FBXL7: variants seen among roughly 807,000 people sequenced by gnomAD.
FBXL7 encodes F-box and leucine rich repeat protein 7, also known as F-box/LRR-repeat protein 7.
In FBXL7, 12 loss-of-function variants were observed where a neutral mutation model predicts 38.3. That is an observed-to-expected ratio of 0.31 (90% CI 0.20 to 0.51). The LOEUF is 0.51. Ranked by LOEUF, FBXL7 falls within the 20% of genes least tolerant of loss-of-function variation. The probability of loss-of-function intolerance (pLI) is 0.98; values close to 1 mark genes in which losing one functional copy is unlikely to be tolerated. For missense variants in FBXL7, 567 were observed against 676.4 expected (o/e 0.84, Z 1.79); for synonymous variants, 297 against 300.9 (o/e 0.99, Z 0.13).
intron 2 of FBXL7, among the ~76,000 whole-genome samples, chr5:15,747,824 G>A (rs1169874458): frequency 6.6e-6 from 1 of 152,136 alleles, no homozygotes; most frequent in East Asian, 1.9e-4. Flanking sequence ...GCTGCTGCTT[G>A]TCTCTGCTCA....
intron 2 of FBXL7, among the ~76,000 whole-genome samples, chr5:15,906,628 C>A (rs1447075031): frequency 7.6e-6 from 1 of 130,736 alleles, no homozygotes; most frequent in Non-Finnish European, 1.6e-5. Flanking sequence ...AATGTGTCAT[C>A]TAGCATTAGG....
chr5:15,640,850 T>C (rs1335500001), intron 2 of FBXL7, among the ~76,000 whole-genome samples: 1 of 152,280 alleles, frequency 6.6e-6, no homozygotes, highest in South Asian at 2.1e-4. Flanking sequence ...CATATCTTTA[T>C]AGGGGACACA....
chr5:15,856,089 A>ATACT (rs1244523102), intron 2 of FBXL7, among the ~76,000 whole-genome samples: 1 of 152,192 alleles, frequency 6.6e-6, no homozygotes, highest in Admixed American at 6.5e-5. Context: ...CATTGGACAT[A>ATACT]TACTTCCATG....
intron 2 of FBXL7, among the ~76,000 whole-genome samples, chr5:15,839,836 C>T (rs376213167): frequency 1.3e-5 from 2 of 152,058 alleles, no homozygotes; most frequent in East Asian, 3.9e-4. Flanking sequence ...TAGATCCAAG[C>T]CCCCCACTTT....
chr5:15,628,856 A>T (rs1443206146), intron 2 of FBXL7, among the ~76,000 whole-genome samples: 2 of 152,136 alleles, frequency 1.3e-5, no homozygotes, highest in Admixed American at 1.3e-4. Flanking sequence ...TACCTCCAAC[A>T]TTATATTTCC....
intron 1 of FBXL7, among the ~76,000 whole-genome samples, chr5:15,603,843 G>C (rs1468396449): frequency 6.6e-6 from 1 of 152,148 alleles, no homozygotes; most frequent in African/African-American, 2.4e-5. Context: ...CTGGGTTTAA[G>C]AGGACGTGTG....
chr5:15,699,889 A>G (rs1314046191), intron 2 of FBXL7, among the ~76,000 whole-genome samples: 3 of 152,218 alleles, frequency 2.0e-5, no homozygotes, highest in African/African-American at 7.2e-5. Context: ...TTATAGCTAC[A>G]TAGAACTGAT....
intron 2 of FBXL7, among the ~76,000 whole-genome samples, chr5:15,665,476 T>C (rs568791245): frequency 1.1e-3 from 168 of 152,348 alleles, no homozygotes; most frequent in African/African-American, 3.9e-3. Flanking sequence ...TTTAGGTTGC[T>C]TTATGAGTTC....
rs144308627 is a variant in FBXL7 at position 15,558,030 on chromosome 5, A to G, written c.37+57317A>G. The stretch of plus-strand genomic sequence containing the variant: ...GAAGGAAAGTTATTGGTTTACGGAT[A>G]TAGAGCTTCTGTTTGGGGTGACGGC... On this transcript the variant is annotated intron_variant, in intron 1 of 3. Transcript: ENST00000504595. 5.7e-3 allele frequency among the ~76,000 whole-genome samples: 867 copies of G among 152,306 alleles called. 9 individuals are homozygous for G. The highest frequency in any genetic ancestry group is 0.02 in the Middle Eastern group (6 of 294).
intron 2 of FBXL7, among the ~76,000 whole-genome samples, chr5:15,678,065 G>A (rs1742720318): frequency 6.6e-6 from 1 of 152,136 alleles, no homozygotes. Context: ...CATGGGAAAT[G>A]AAGCTGTCTT....
intron 2 of FBXL7, among the ~76,000 whole-genome samples, chr5:15,854,167 C>G (rs960039290): frequency 6.6e-6 from 1 of 152,120 alleles, no homozygotes; most frequent in African/African-American, 2.4e-5. Context: ...GCTGTGAAAT[C>G]CATATAATAA....
chr5:15,920,471 C>T (rs1188230623), intron 2 of FBXL7, among the ~76,000 whole-genome samples: 5 of 152,072 alleles, frequency 3.3e-5, no homozygotes, highest in Non-Finnish European at 7.4e-5. Flanking sequence ...TCCTTGCCAT[C>T]TACTCTGTGT....
intron 2 of FBXL7, among the ~76,000 whole-genome samples, chr5:15,657,199 C>A (rs1741912714): frequency 6.6e-6 from 1 of 151,956 alleles, no homozygotes; most frequent in East Asian, 1.9e-4. Context: ...GAATTTAAGT[C>A]TTTTTTTCTT....
intron 2 of FBXL7, among the ~76,000 whole-genome samples, chr5:15,831,216 A>G (rs1738448372): frequency 6.6e-6 from 1 of 152,124 alleles, no homozygotes; most frequent in South Asian, 2.1e-4. Context: ...GGAATTTGCG[A>G]TTGTTTTGTC....
At chr5:15,558,597 A>C (rs1000347898) in intron 1 of FBXL7, among the ~76,000 whole-genome samples, 2 of 152,256 alleles carry the variant, frequency 1.3e-5, no homozygotes, top group Non-Finnish European at 2.9e-5. Flanking sequence ...AGATTCAAAA[A>C]TAAACCTGAG....
chr5:15,882,107 G>A (rs978292263), intron 2 of FBXL7, among the ~76,000 whole-genome samples: 15 of 152,036 alleles, frequency 9.9e-5, no homozygotes, highest in African/African-American at 3.6e-4. Context: ...AGCACCAAGG[G>A]GAATGGTGCT....
chr5:15,812,962 A>AT (rs1180848748), intron 2 of FBXL7, among the ~76,000 whole-genome samples: 1 of 151,998 alleles, frequency 6.6e-6, no homozygotes, highest in Admixed American at 6.6e-5. Flanking sequence ...AATGCTTGTG[A>AT]TTTTTTCACA....
At chr5:15,922,949 G>GAT (rs1231966531) in intron 2 of FBXL7, among the ~76,000 whole-genome samples, 5 of 152,178 alleles carry the variant, frequency 3.3e-5, no homozygotes, top group African/African-American at 1.2e-4. Flanking sequence ...ACTTGGAATA[G>GAT]ATATTCAGGC....
intron 2 of FBXL7, among the ~76,000 whole-genome samples, chr5:15,921,292 A>T (rs1741734342): frequency 6.6e-6 from 1 of 151,492 alleles, no homozygotes; most frequent in African/African-American, 2.4e-5. Flanking sequence ...GAGTCAGGAG[A>T]ATCACTTCAG....
Sources: allele counts gnomAD v4.1 joint callset (sites outside exome capture counted in the v4.1 genomes callset), GRCh38; gene constraint gnomAD v4.1.1; transcripts MANE v1.5; gene names NCBI Gene and HGNC (gene_info 2026-07-23, HGNC 2026-07-21).